The following PSME4 variants were observed in gnomAD, a reference collection of about 807,000 sequenced individuals.
The protein encoded by PSME4 is proteasome activator complex subunit 4.
In PSME4, 89 loss-of-function variants were observed where a neutral mutation model predicts 253.9. That is an observed-to-expected ratio of 0.35 (90% CI 0.30 to 0.42). PSME4 has a LOEUF of 0.42. Ranked by LOEUF, PSME4 falls within the 10% of genes least tolerant of loss-of-function variation. PSME4 has a pLI of 1.00. For synonymous variants in PSME4, 851 were observed against 759.2 expected (o/e 1.12, Z -1.99); for missense variants, 2,014 against 2,195.2 (o/e 0.92, Z 1.65).
chr2:53,922,932 A>G, intron 16 of PSME4, 117 bp downstream of exon 16: 1 of 889,142 alleles, frequency 1.1e-6, no homozygotes, highest in Non-Finnish European at 1.6e-6. Context: ...TTTTCCCCAA[A>G]TTGCCAATCA....
intron 26 of PSME4, among the ~76,000 whole-genome samples, chr2:53,904,420 T>G (rs1680554484): frequency 6.6e-6 from 1 of 152,208 alleles, no homozygotes; most frequent in Non-Finnish European, 1.5e-5. Context: ...GGAACCTATA[T>G]GCATTTGCTC....
At chr2:53,883,894 C>T (rs1032503497) in intron 41 of PSME4, among the ~76,000 whole-genome samples, 1 of 152,146 alleles carries the variant, frequency 6.6e-6, no homozygotes, top group Non-Finnish European at 1.5e-5. Flanking sequence ...GAATGTTTAT[C>T]CATTATCTTC....
At chr2:53,868,495 ATG>A (rs58380277) in intron 44 of PSME4, among the ~76,000 whole-genome samples, 482 of 38,100 alleles carry the variant, frequency 0.013, 5 homozygotes, top group African/African-American at 0.036. Flanking sequence ...ATATATATAT[ATG>A]ATATATATTA....
intron 44 of PSME4, among the ~76,000 whole-genome samples, chr2:53,868,351 CAG>C (rs968945888): frequency 2.3e-4 from 34 of 151,050 alleles, no homozygotes; most frequent in African/African-American, 8.0e-4. Flanking sequence ...ACTCGGCTAA[CAG>C]GGGCATGAGA....
At chr2:53,942,511 TAG>T (rs1266333690) in intron 3 of PSME4, among the ~76,000 whole-genome samples, 1 of 152,120 alleles carries the variant, frequency 6.6e-6, no homozygotes, top group Admixed American at 6.5e-5. Flanking sequence ...AGTTTGGCCT[TAG>T]AGTCAGACAG....
intron 43 of PSME4, among the ~76,000 whole-genome samples, chr2:53,872,286 G>C (rs1312715453): frequency 6.6e-6 from 1 of 152,040 alleles, no homozygotes; most frequent in African/African-American, 2.4e-5. Context: ...TTTCTAAGAA[G>C]TTTCCTTTAA....
chr2:53,893,535 G>A (rs890565847), intron 35 of PSME4, 139 bp downstream of exon 35: 4 of 1,480,394 alleles, frequency 2.7e-6, no homozygotes, highest in Middle Eastern at 2.1e-4. Flanking sequence ...ACAAAAGTCT[G>A]TACATGTTCA....
chr2:53,966,287 A>C (rs1259367120), intron 1 of PSME4, among the ~76,000 whole-genome samples: 1 of 152,148 alleles, frequency 6.6e-6, no homozygotes, highest in Non-Finnish European at 1.5e-5. Context: ...CTGTCTCAAA[A>C]AATATAAAAA....
At chr2:53,888,031 T>G (rs1679722745) in intron 38 of PSME4, 42 bp from the exon 39 acceptor site, 1 of 1,567,602 alleles carries the variant, frequency 6.4e-7, no homozygotes, top group Non-Finnish European at 8.6e-7. Flanking sequence ...AGGCCCTTTC[T>G]GCCTTTACAT....
At chr2:53,876,713 A>ATTTTT (rs1224675454) in intron 41 of PSME4, among the ~76,000 whole-genome samples, 1 of 77,200 alleles carries the variant, frequency 1.3e-5, no homozygotes, top group Non-Finnish European at 2.6e-5. Flanking sequence ...AGCCACTGTC[A>ATTTTT]TTCTTTTTTT....
At chr2:53,898,176 G>C (rs536754668) in intron 30 of PSME4, 125 bp downstream of exon 30, 1 of 1,193,314 alleles carries the variant, frequency 8.4e-7, no homozygotes, top group Non-Finnish European at 1.2e-6. Context: ...CTCTTAATCT[G>C]CTTCCAAATA....
intron 3 of PSME4, among the ~76,000 whole-genome samples, chr2:53,947,803 G>A (rs1669793988): frequency 3.3e-5 from 5 of 152,052 alleles, no homozygotes; most frequent in Admixed American, 1.3e-4. Context: ...ATCACCTGAG[G>A]TCAGGAGTTC....
At chr2:53,933,018 G>A (rs975893946) in intron 8 of PSME4, 4 of 398,536 alleles carry the variant, frequency 1.0e-5, no homozygotes, top group Admixed American at 7.5e-5. Context: ...GTCAACTTAG[G>A]ATAACAAACA....
chr2:53,874,499 G>A lies in PSME4; in HGVS notation c.4945-5C>T. ...CCAAGAACTGCTTCTTGCTGTCTGT[G>A]AATGACAAATAAATATAAACGATAA... On this transcript the variant is annotated splice_region_variant and splice_polypyrimidine_tract_variant and intron_variant, in intron 42 of 46. Transcript: ENST00000404125. The A allele has an allele frequency of 1.9e-6, 3 of 1,612,634 alleles. No individual in the cohort carries two copies. The highest frequency in any genetic ancestry group is 2.5e-6 in the Non-Finnish European group (3 of 1,179,552).
intron 21 of PSME4, among the ~76,000 whole-genome samples, chr2:53,909,276 T>C (rs935159002): frequency 5.3e-5 from 8 of 152,152 alleles, no homozygotes; most frequent in African/African-American, 1.9e-4. Flanking sequence ...GTATGTAACT[T>C]TGGTGTTAAT....
chr2:53,919,010 G>A (rs1668182627), intron 20 of PSME4, 141 bp downstream of exon 20: 9 of 722,974 alleles, frequency 1.2e-5, no homozygotes, highest in Non-Finnish European at 2.0e-5. Context: ...TTGTACCTCT[G>A]GTATTTTTGA....
At chr2:53,866,979 A>T (rs768047400) in intron 44 of PSME4, 99 bp from the exon 45 acceptor site, 4 of 1,180,712 alleles carry the variant, frequency 3.4e-6, no homozygotes, top group Non-Finnish European at 4.7e-6. Flanking sequence ...TGTTTTCAAT[A>T]TGTGAATTTC....
chr2:53,906,271 GC>G (rs1287641843), intron 26 of PSME4, among the ~76,000 whole-genome samples: 2 of 152,082 alleles, frequency 1.3e-5, no homozygotes, highest in Non-Finnish European at 2.9e-5. Context: ...TATCACACTA[GC>G]ACTGTCTTCC....
Position 53,888,811 on chromosome 2 carries a change from TC to T in PSME4, c.4297del (p.Glu1433LysfsTer20). The T allele has an allele frequency of 6.2e-7, 1 of 1,607,212 alleles. No individual in the cohort carries two copies. Among genetic ancestry groups the T allele is most frequent in the Non-Finnish European group, 8.5e-7 (1 of 1,174,198 alleles). ...GTGAAGTTTCCGGGGATCTCTGCTT[TC>T]CTGTGTTTAAAATATGATGTAACAG... ...DWGACIATSCESRDPRKLHWL... is the reference protein window; with the variant it reads ...DWGACIATSCXSRDPRKLHWL... On this transcript the variant is annotated frameshift_variant and splice_region_variant, in exon 38 of 47. Transcript: ENST00000404125. LOFTEE classifies it high-confidence loss of function.
Sources: allele counts gnomAD v4.1 joint callset (sites outside exome capture counted in the v4.1 genomes callset), GRCh38; gene constraint gnomAD v4.1.1; transcripts MANE v1.5; gene names NCBI Gene and HGNC (gene_info 2026-07-23, HGNC 2026-07-21).